EIF3H: variants seen among roughly 807,000 people sequenced by gnomAD.
EIF3H encodes eIF-3-gamma.
A neutral mutation model predicts 44.2 loss-of-function variants in EIF3H; 26 were observed. That is an observed-to-expected ratio of 0.59 (90% CI 0.43 to 0.82). The LOEUF is 0.82. Among genes scored for constraint, EIF3H ranks in the 40% least tolerant of loss-of-function variants. The pLI is 0.00. For missense variants in EIF3H, 359 were observed against 432.8 expected, an observed-to-expected ratio of 0.83 and a Z score of 1.51; for synonymous variants, 166 against 151.9, an observed-to-expected ratio of 1.09 and a Z score of -0.68.
At chr8:116,733,567 A>G (rs182936334) in intron 1 of EIF3H, among the ~76,000 whole-genome samples, 2 of 152,290 alleles carry the variant, frequency 1.3e-5, no homozygotes, top group Admixed American at 6.5e-5. Flanking sequence ...CCAAGAACAA[A>G]GACTAAAGAT....
At chr8:116,705,497 C>CT (rs968703495) in intron 2 of EIF3H, among the ~76,000 whole-genome samples, 1 of 129,090 alleles carries the variant, frequency 7.7e-6, no homozygotes, top group African/African-American at 3.7e-5. Context: ...TTACACCCCC[C>CT]CCCACCACCA....
intron 2 of EIF3H, 25 bp from the exon 3 acceptor site, chr8:116,659,005 A>G: frequency 6.4e-7 from 1 of 1,564,696 alleles, no homozygotes; most frequent in Non-Finnish European, 8.6e-7. Context: ...AGAGGAAATT[A>G]AAAGAAAAAA....
intron 2 of EIF3H, among the ~76,000 whole-genome samples, chr8:116,725,558 A>C (rs532151124): frequency 6.6e-6 from 1 of 152,326 alleles, no homozygotes; most frequent in African/African-American, 2.4e-5. Flanking sequence ...TAACAAAGGA[A>C]CTACACCTAT....
At chr8:116,694,503 A>G (rs937242315) in intron 2 of EIF3H, among the ~76,000 whole-genome samples, 5 of 152,142 alleles carry the variant, frequency 3.3e-5, no homozygotes, top group Non-Finnish European at 7.4e-5. Flanking sequence ...ATATATTAAA[A>G]ATTTAGCCTT....
intron 2 of EIF3H, among the ~76,000 whole-genome samples, chr8:116,681,851 A>G (rs1167026014): frequency 6.6e-6 from 1 of 152,196 alleles, no homozygotes; most frequent in Non-Finnish European, 1.5e-5. Flanking sequence ...AAGTTCACAG[A>G]GAGTACATTC....
At chr8:116,719,791 A>AC (rs1814714232) in intron 2 of EIF3H, among the ~76,000 whole-genome samples, 1 of 151,948 alleles carries the variant, frequency 6.6e-6, no homozygotes, top group African/African-American at 2.4e-5. Flanking sequence ...ATGTATAAGA[A>AC]AATGACAATT....
upstream of EIF3H, chr8:116,756,142 C>G (rs1815446395): frequency 1.2e-6 from 1 of 854,292 alleles, no homozygotes; most frequent in Non-Finnish European, 1.9e-6. Flanking sequence ...CATTTCTGAT[C>G]TTGCAATGAA....
At chr8:116,666,753 CAAAAAAAAA>C (rs56700266) in intron 2 of EIF3H, among the ~76,000 whole-genome samples, 10 of 71,434 alleles carry the variant, frequency 1.4e-4, no homozygotes, top group Non-Finnish European at 1.9e-4. Flanking sequence ...TAGTGTTAGG[CAAAAAAAAA>C]AAAAAAAAAA....
At chr8:116,731,117 A>C (rs1466120294) in intron 1 of EIF3H, among the ~76,000 whole-genome samples, 1 of 152,222 alleles carries the variant, frequency 6.6e-6, no homozygotes, top group East Asian at 1.9e-4. Flanking sequence ...CTCTCCTGTT[A>C]TATTTTGCTT....
intron 2 of EIF3H, among the ~76,000 whole-genome samples, chr8:116,694,133 T>TA: frequency 6.6e-6 from 1 of 151,112 alleles, no homozygotes; most frequent in East Asian, 1.9e-4. Flanking sequence ...GGTCAAGAAT[T>TA]ATGAGCAAAC....
chr8:116,697,650 T>C (rs1374205306), intron 2 of EIF3H, among the ~76,000 whole-genome samples: 1 of 152,240 alleles, frequency 6.6e-6, no homozygotes, highest in Non-Finnish European at 1.5e-5. Flanking sequence ...GCTTGTCCTC[T>C]TCACACTGAG....
intron 2 of EIF3H, among the ~76,000 whole-genome samples, chr8:116,677,382 T>C (rs1251774446): frequency 6.6e-6 from 1 of 152,224 alleles, no homozygotes; most frequent in Non-Finnish European, 1.5e-5. Context: ...AACTGTTCGA[T>C]GATGGTTAAG....
chr8:116,732,327 C>G (rs1814963652), intron 1 of EIF3H, among the ~76,000 whole-genome samples: 1 of 151,826 alleles, frequency 6.6e-6, no homozygotes, highest in African/African-American at 2.4e-5. Flanking sequence ...ATATAAATAC[C>G]AATCTAAAAT....
chr8:116,729,559 C>T (rs760303158), intron 1 of EIF3H, among the ~76,000 whole-genome samples: 3 of 152,146 alleles, frequency 2.0e-5, no homozygotes, highest in Admixed American at 1.3e-4. Context: ...ATAATTATCT[C>T]GCTCTTTCGA....
chr8:116,694,203 C>G (rs896889346), intron 2 of EIF3H, among the ~76,000 whole-genome samples: 2 of 151,850 alleles, frequency 1.3e-5, no homozygotes, highest in African/African-American at 4.8e-5. Flanking sequence ...AATTTAAACT[C>G]CCATCAGCAA....
chr8:116,735,865 C>T (rs1586484833), intron 1 of EIF3H, among the ~76,000 whole-genome samples: 2 of 151,784 alleles, frequency 1.3e-5, no homozygotes, highest in East Asian at 1.9e-4. Context: ...TTGGAGACCC[C>T]GAATAAACTG....
At chr8:116,657,579 T>C in intron 3 of EIF3H, 1 of 423,874 alleles carries the variant, frequency 2.4e-6, no homozygotes, top group Non-Finnish European at 4.2e-6. Context: ...TTCAAATTCA[T>C]TCCTCAGCAA....
At chr8:116,701,524 A>G (rs1391906840) in intron 2 of EIF3H, among the ~76,000 whole-genome samples, 1 of 152,194 alleles carries the variant, frequency 6.6e-6, no homozygotes, top group African/African-American at 2.4e-5. Context: ...GAAGGAATAA[A>G]AAGTAACTTT....
Position 116,668,743 on chromosome 8 carries a change from G to T in EIF3H, c.290-9763C>A, listed in dbSNP as rs149829553. Among the ~76,000 whole-genome samples the T allele has an allele frequency of 4.2e-3, 634 of 152,064 alleles. 5 individuals carry two copies. The highest frequency in any genetic ancestry group is 0.014 in the African/African-American group (586 of 41,492). On this transcript the variant is annotated intron_variant, in intron 2 of 7. Transcript: ENST00000521861. The stretch of plus-strand genomic sequence containing the variant: ...GTGGGGGTCGTAGGGGCTGGGCAGC[G>T]GGGGGTGGGCACAATACTATCTACT...
Sources: allele counts gnomAD v4.1 joint callset (sites outside exome capture counted in the v4.1 genomes callset), GRCh38; gene constraint gnomAD v4.1.1; transcripts MANE v1.5; gene names NCBI Gene and HGNC (gene_info 2026-07-23, HGNC 2026-07-21).